The following EHHADH variants were observed in gnomAD, a reference collection of about 807,000 sequenced individuals.
EHHADH encodes enoyl-CoA hydratase and 3-hydroxyacyl CoA dehydrogenase.
A neutral mutation model predicts 64.4 loss-of-function variants in EHHADH; 48 were observed. The observed-to-expected ratio is 0.75, with a 90% CI of 0.59 to 0.95. The LOEUF (loss-of-function observed/expected upper bound fraction) is 0.95, where lower values mean the gene tolerates loss of function less well. Ranked by LOEUF, EHHADH falls within the 40% of genes least tolerant of loss-of-function variation. The pLI is 0.00. For synonymous variants in EHHADH, 308 were observed against 326.7 expected, an observed-to-expected ratio of 0.94 and a Z score of 0.62; for missense variants, 854 against 876.6, an observed-to-expected ratio of 0.97 and a Z score of 0.33.
rs539695372 is a variant in EHHADH, at chr3:185,240,500, G to T, written c.179-5038C>A. ...TTTCTTCCTGATTCAGTCTTGGGAG[G>T]TTGTATGTTTACAGGAATTTATCCA... On this transcript the variant is annotated intron_variant, in intron 2 of 6. Transcript: ENST00000231887. Among the ~76,000 whole-genome samples, 14 of 151,654 alleles carry T rather than the reference G, an allele frequency of 9.2e-5. No homozygotes were observed. The East Asian group carries it at 2.7e-3, about 29-fold the overall frequency.
intron 3 of EHHADH, among the ~76,000 whole-genome samples, chr3:185,232,933 G>C (rs1351278399): frequency 6.6e-6 from 1 of 152,120 alleles, no homozygotes; most frequent in Non-Finnish European, 1.5e-5. Context: ...TCCAGATAAA[G>C]AAAAACTGAT....
intron 6 of EHHADH, among the ~76,000 whole-genome samples, chr3:185,195,785 T>G (rs921449241): frequency 2.0e-5 from 3 of 151,578 alleles, no homozygotes; most frequent in Middle Eastern, 6.8e-3. Context: ...AAAGGGGGAG[T>G]GAGGGAAGAC....
chr3:185,193,529 T>C, intron 6 of EHHADH, 42 bp from the exon 7 acceptor site: 4 of 1,585,796 alleles, frequency 2.5e-6, no homozygotes, highest in South Asian at 1.2e-5. Context: ...GATTCAGTGG[T>C]ATTGGGAACT....
chr3:185,232,355 T>A (rs1199304827), intron 3 of EHHADH, among the ~76,000 whole-genome samples: 1 of 152,244 alleles, frequency 6.6e-6, no homozygotes, highest in Non-Finnish European at 1.5e-5. Context: ...TATTTATTTG[T>A]AAGCATTTAT....
At chr3:185,240,334 GGAA>G (rs1216691257) in intron 2 of EHHADH, among the ~76,000 whole-genome samples, 5 of 151,668 alleles carry the variant, frequency 3.3e-5, no homozygotes, top group Admixed American at 3.3e-4. Context: ...AATAGTTTCA[GGAA>G]GATTGGTACC....
In EHHADH at chr3:185,208,017, C is replaced by T. The variant is rs75898539; in HGVS notation, c.569-3260G>A. The stretch of plus-strand genomic sequence containing the variant: ...TCATTAAGGAAATGCAAATTAAAAC[C>T]GCAACAAATGTGGTAGACAGACTCT... On this transcript the variant is annotated intron_variant, in intron 5 of 6. Transcript: ENST00000231887. Among the ~76,000 whole-genome samples, 812 of 152,228 alleles carry T rather than the reference C, an allele frequency of 5.3e-3. 10 individuals carry two copies. The highest frequency in any genetic ancestry group is 0.019 in the African/African-American group (779 of 41,538).
rs1294588141 is a variant in EHHADH, at chr3:185,208,863, AC to A, written c.569-4107del. ...CAATAAAAAGGATCAAACTGTTGATACATGCTACAATACAGATACAGATGAG... is the reference window on the plus strand; with the variant it reads ...CAATAAAAAGGATCAAACTGTTGATAATGCTACAATACAGATACAGATGAG... On this transcript the variant is annotated intron_variant, in intron 5 of 6. Transcript: ENST00000231887. Among the ~76,000 whole-genome samples, 3 of 152,362 alleles carry A rather than the reference AC, an allele frequency of 2.0e-5. No homozygotes were observed. The East Asian group carries it at 5.8e-4, about 29-fold the overall frequency.
At chr3:185,206,915 C>G (rs1278493762) in intron 5 of EHHADH, among the ~76,000 whole-genome samples, 2 of 148,758 alleles carry the variant, frequency 1.3e-5, no homozygotes, top group Non-Finnish European at 3.0e-5. Context: ...ACCCCCCCCA[C>G]CAAATGTTCA....
chr3:185,201,918 T>A (rs890251789), intron 6 of EHHADH, among the ~76,000 whole-genome samples: 1 of 152,226 alleles, frequency 6.6e-6, no homozygotes, highest in Non-Finnish European at 1.5e-5. Context: ...CTTGAAGGAA[T>A]TGAAGGAGAA....
intron 2 of EHHADH, among the ~76,000 whole-genome samples, chr3:185,239,103 G>A (rs1719379966): frequency 6.6e-6 from 1 of 152,022 alleles, no homozygotes; most frequent in Non-Finnish European, 1.5e-5. Context: ...TAGGTATGCG[G>A]TTTTATTTCT....
chr3:185,208,154 G>A (rs1478361785), intron 5 of EHHADH, among the ~76,000 whole-genome samples: 1 of 152,250 alleles, frequency 6.6e-6, no homozygotes, highest in Admixed American at 6.5e-5. Context: ...CAGCTGCCCT[G>A]TTGTGAGCCA....
At chr3:185,213,041 A>C (rs1577361071) in intron 5 of EHHADH, among the ~76,000 whole-genome samples, 2 of 140,870 alleles carry the variant, frequency 1.4e-5, no homozygotes, top group African/African-American at 5.3e-5. Flanking sequence ...AATTGCTTGA[A>C]CCCAGGAGGC....
chr3:185,204,755 G>C lies in EHHADH; in HGVS notation c.571C>G (p.Gln191Glu), dbSNP rs146633671. ...CAGAGTCTACGGGATTCTAGAGGTTGATCTGAAAGGAATAAGAAGGATCAG... is the reference window on the plus strand; with the variant it reads ...CAGAGTCTACGGGATTCTAGAGGTTCATCTGAAAGGAATAAGAAGGATCAG... ...AIRFAQRVSD[Q>E]PLESRRLCNK... Residue 191 changes from glutamine to glutamate, a missense_variant and splice_region_variant, in exon 6 of 7, where the codon CAA (glutamine) becomes GAA (glutamate). By Grantham distance (29) the Gln-to-Glu change is conservative. Coordinates refer to ENST00000231887, the MANE Select transcript of EHHADH (RefSeq NM_001966.4). The C allele has an allele frequency of 6.3e-7, 1 of 1,599,382 alleles. No homozygotes were observed. Among genetic ancestry groups the C allele is most frequent in the South Asian group, 1.1e-5 (1 of 89,710 alleles).
At chr3:185,205,426 T>A (rs981162839) in intron 5 of EHHADH, among the ~76,000 whole-genome samples, 2 of 152,100 alleles carry the variant, frequency 1.3e-5, no homozygotes, top group African/African-American at 4.8e-5. Flanking sequence ...AACAAAAACT[T>A]TAAAATACCT....
intron 4 of EHHADH, among the ~76,000 whole-genome samples, chr3:185,225,773 T>C (rs1718957181): frequency 6.6e-6 from 1 of 152,216 alleles, no homozygotes; most frequent in African/African-American, 2.4e-5. Context: ...ATTCCAAGCA[T>C]GTCCCTGCCT....
intron 2 of EHHADH, chr3:185,245,581 G>A: frequency 1.3e-6 from 1 of 781,602 alleles, no homozygotes; most frequent in Admixed American, 2.1e-5. Context: ...AGAGTTGCAT[G>A]TCCTTCTGCA....
In EHHADH at chr3:185,248,473, A is replaced by G. The variant is rs1062551; in HGVS notation, c.119T>C (p.Val40Ala). ...AATGGCTTTTATTGTATGGTCTATT[A>G]CAGCTTTCTGTAGTCCTTCTTTTAT... ...RDIKEGLQKAVIDHTIKAIVI... is the reference protein window; with the variant it reads ...RDIKEGLQKAAIDHTIKAIVI... The change falls in exon 2 of 7, where the codon GTA becomes GCA. Residue 40 changes from valine to alanine, a missense_variant. By Grantham distance (64) the Val-to-Ala change is moderately conservative. Transcript: ENST00000231887. The G allele has an allele frequency of 1.2e-6, 2 of 1,613,974 alleles. No homozygotes were observed. The highest frequency in any genetic ancestry group is 2.2e-5 in the South Asian group (2 of 91,062).
intron 6 of EHHADH, among the ~76,000 whole-genome samples, chr3:185,202,112 C>T (rs539725377): frequency 8.5e-5 from 13 of 152,242 alleles, no homozygotes; most frequent in East Asian, 5.8e-4. Flanking sequence ...CCAAGGTGGG[C>T]GGATCACCTG....
chr3:185,193,444 C>G lies in EHHADH; in HGVS notation c.954G>C (p.Arg318Ser). 6.2e-7 allele frequency: 1 copy of G among 1,614,100 alleles called. No homozygotes were observed. The highest frequency in any genetic ancestry group is 8.5e-7 in the Non-Finnish European group (1 of 1,180,018). Reference protein sequence around the residue: ...MGRGIVISFARARIPVIAVDS... With the variant: ...MGRGIVISFASARIPVIAVDS... ...CTACAGCAATCACAGGAATCCTGGC[C>G]CTTGCAAAAGAAATGACAATGCCTC... Residue 318 changes from arginine to serine, a missense_variant, in exon 7 of 7, where the codon AGG (arginine) becomes AGC (serine). Arg to Ser is a moderately radical substitution (Grantham distance 110). Transcript: ENST00000231887.
Sources: gnomAD v4.1 joint callset for allele counts (sites outside exome capture counted in the v4.1 genomes callset) on GRCh38, gnomAD v4.1.1 for gene constraint, MANE v1.5 for transcripts, NCBI Gene and HGNC (gene_info 2026-07-23, HGNC 2026-07-21) for gene names.